Variants in CHRNA7 observed in about 807,000 individuals in gnomAD.
The protein encoded by CHRNA7 is cholinergic receptor nicotinic alpha 7 subunit.
A neutral mutation model predicts 48.0 loss-of-function variants in CHRNA7; 17 were observed. The observed-to-expected ratio is 0.35, with a 90% CI of 0.24 to 0.53. The LOEUF (loss-of-function observed/expected upper bound fraction) is 0.53. Ranked by LOEUF, CHRNA7 falls within the 20% of genes least tolerant of loss-of-function variation. The probability of loss-of-function intolerance (pLI) is 0.92; values close to 1 mark genes in which losing one functional copy is unlikely to be tolerated. For missense variants in CHRNA7, 155 were observed against 577.7 expected, an observed-to-expected ratio of 0.27 and a Z score of 7.50; for synonymous variants, 75 against 242.3, an observed-to-expected ratio of 0.31 and a Z score of 6.41.
At chr15:32,154,592 A>C in intron 5 of CHRNA7, among the ~76,000 whole-genome samples, 1 of 27,206 alleles carries the variant, frequency 3.7e-5, no homozygotes, top group Non-Finnish European at 5.9e-5. Context: ...TTCACAGGGC[A>C]AGGGAAATGG....
intron 4 of CHRNA7, among the ~76,000 whole-genome samples, chr15:32,130,101 G>T (rs2051130450): frequency 6.6e-6 from 1 of 151,968 alleles, no homozygotes; most frequent in Non-Finnish European, 1.5e-5. Flanking sequence ...ATGTATTGAG[G>T]TTTTTCTTAG....
intron 2 of CHRNA7, among the ~76,000 whole-genome samples, chr15:32,090,326 A>T (rs1290470478): frequency 6.6e-6 from 1 of 152,146 alleles, no homozygotes; most frequent in Non-Finnish European, 1.5e-5. Flanking sequence ...TGCTGGAGCC[A>T]CAAGGAGATC....
intron 4 of CHRNA7, among the ~76,000 whole-genome samples, chr15:32,129,878 A>G (rs2051126932): frequency 1.3e-5 from 2 of 151,954 alleles, no homozygotes; most frequent in African/African-American, 4.8e-5. Flanking sequence ...CACTACCAGC[A>G]TGTCATACAT....
chr15:32,156,258 C>T (rs1289019619), intron 5 of CHRNA7: 2 of 121,414 alleles, frequency 1.6e-5, no homozygotes, highest in Admixed American at 8.2e-5. Flanking sequence ...AACTGGCAGA[C>T]AAGGTGGGTT....
At chr15:32,048,026 T>G (rs912963811) in intron 2 of CHRNA7, among the ~76,000 whole-genome samples, 14 of 152,224 alleles carry the variant, frequency 9.2e-5, no homozygotes, top group African/African-American at 2.9e-4. Flanking sequence ...GAAGCCCACT[T>G]GATCATGGTG....
At chr15:32,031,716 A>G (rs885073) in intron 2 of CHRNA7, among the ~76,000 whole-genome samples, 87,997 of 152,220 alleles carry the variant, frequency 0.58, 28,887 homozygotes, top group Non-Finnish European at 0.73. Flanking sequence ...GCTAGTGCCC[A>G]CTTCAGTTAG....
intron 4 of CHRNA7, among the ~76,000 whole-genome samples, chr15:32,124,424 C>G (rs2141304148): frequency 6.6e-6 from 1 of 152,066 alleles, no homozygotes; most frequent in South Asian, 2.1e-4. Flanking sequence ...TTAACAAAAA[C>G]CAGGATCTCA....
At chr15:32,105,957 G>C (rs1036031434) in intron 3 of CHRNA7, among the ~76,000 whole-genome samples, 19 of 151,922 alleles carry the variant, frequency 1.3e-4, no homozygotes, top group African/African-American at 4.4e-4. Context: ...CCCCCACCCA[G>C]TGTTTCAGTC....
chr15:32,050,665 C>T (rs1045704521), intron 2 of CHRNA7, among the ~76,000 whole-genome samples: 2 of 152,216 alleles, frequency 1.3e-5, no homozygotes, highest in Non-Finnish European at 2.9e-5. Flanking sequence ...CATTCTCCAT[C>T]CAGCTTTGTT....
chr15:32,094,654 CT>C (rs2050436664), intron 2 of CHRNA7, among the ~76,000 whole-genome samples: 1 of 91,964 alleles, frequency 1.1e-5, no homozygotes, highest in African/African-American at 3.9e-5. Context: ...AGGCACTTTT[CT>C]TTTTCTTTTT....
chr15:32,087,967 G>T (rs2050324993), intron 2 of CHRNA7, among the ~76,000 whole-genome samples: 1 of 152,024 alleles, frequency 6.6e-6, no homozygotes, highest in South Asian at 2.1e-4. Flanking sequence ...TTTGTATTTT[G>T]CATTCATTTT....
chr15:32,134,156 TTG>T, intron 4 of CHRNA7, among the ~76,000 whole-genome samples: 1 of 151,682 alleles, frequency 6.6e-6, no homozygotes, highest in East Asian at 1.9e-4. Context: ...GTGGGTTTTT[TTG>T]TGTGTTTTTT....
At chr15:32,103,346 G>C (rs1278314149) in intron 3 of CHRNA7, 2 of 150,358 alleles carry the variant, frequency 1.3e-5, no homozygotes, top group East Asian at 3.9e-4. Flanking sequence ...GGAGGCAGAG[G>C]TTGCAGTGAG....
intron 2 of CHRNA7, among the ~76,000 whole-genome samples, chr15:32,046,365 C>T (rs2049546465): frequency 6.8e-6 from 1 of 147,426 alleles, no homozygotes; most frequent in Non-Finnish European, 1.5e-5. Flanking sequence ...GGCATTCTAA[C>T]TGGTGTGAGA....
intron 4 of CHRNA7, among the ~76,000 whole-genome samples, chr15:32,124,710 C>T (rs2051034552): frequency 6.6e-6 from 1 of 152,100 alleles, no homozygotes; most frequent in African/African-American, 2.4e-5. Context: ...ATTGTGTCCC[C>T]TCGAGAATTA....
At chr15:32,043,958 AC>A (rs997758200) in intron 2 of CHRNA7, among the ~76,000 whole-genome samples, 2 of 152,208 alleles carry the variant, frequency 1.3e-5, no homozygotes, top group African/African-American at 4.8e-5. Context: ...CCGGTTAGTT[AC>A]AGCACTTTTA....
At chr15:32,053,394 C>T (rs932358859) in intron 2 of CHRNA7, among the ~76,000 whole-genome samples, 2 of 152,168 alleles carry the variant, frequency 1.3e-5, no homozygotes, top group Admixed American at 6.5e-5. Flanking sequence ...TTTTACTCCT[C>T]CTCAAAGAAG....
intron 2 of CHRNA7, among the ~76,000 whole-genome samples, chr15:32,046,054 A>C (rs944403215): frequency 6.6e-6 from 1 of 151,296 alleles, no homozygotes; most frequent in Non-Finnish European, 1.5e-5. Flanking sequence ...ACATTTTCTT[A>C]ATCCAGTCTA....
intron 3 of CHRNA7, among the ~76,000 whole-genome samples, chr15:32,105,882 G>A (rs935540435): frequency 6.6e-6 from 1 of 152,184 alleles, no homozygotes; most frequent in African/African-American, 2.4e-5. Flanking sequence ...GGGCTCACAA[G>A]AATCCTGGGT....
Sources: allele counts gnomAD v4.1 joint callset (sites outside exome capture counted in the v4.1 genomes callset), GRCh38; gene constraint gnomAD v4.1.1; transcripts MANE v1.5; gene names NCBI Gene and HGNC (gene_info 2026-07-23, HGNC 2026-07-21).